DCC: variants seen among roughly 807,000 people sequenced by gnomAD.
DCC encodes the protein netrin receptor DCC.
In DCC, 58 loss-of-function variants were observed where a neutral mutation model predicts 172.5. The ratio of observed to expected loss-of-function variants is 0.34; its 90% CI spans 0.27 to 0.42. The LOEUF (loss-of-function observed/expected upper bound fraction) is 0.42, where lower values mean the gene tolerates loss of function less well. Among genes scored for constraint, DCC ranks in the 10% least tolerant of loss-of-function variants. DCC has a pLI of 1.00. For synonymous variants in DCC, 709 were observed against 644.5 expected (o/e 1.10, Z -1.52); for missense variants, 1,740 against 1,791.0 (o/e 0.97, Z 0.51).
intron 8 of DCC, among the ~76,000 whole-genome samples, chr18:53,178,481 A>G (rs1332760151): frequency 2.6e-5 from 4 of 152,208 alleles, no homozygotes; most frequent in Non-Finnish European, 5.9e-5. Flanking sequence ...TAGAACACTA[A>G]GCATCTGCGT....
chr18:53,519,042 A>T (rs1428004491), intron 27 of DCC, among the ~76,000 whole-genome samples: 1 of 152,154 alleles, frequency 6.6e-6, no homozygotes, highest in African/African-American at 2.4e-5. Flanking sequence ...AACTGGCTGG[A>T]GATTCCTTTA....
chr18:53,342,556 A>T (rs1262110485), intron 15 of DCC, among the ~76,000 whole-genome samples: 1 of 151,292 alleles, frequency 6.6e-6, no homozygotes, highest in Non-Finnish European at 1.5e-5. Flanking sequence ...TGGCATTTTT[A>T]AAAGAGCATT....
chr18:53,461,808 A>G (rs892270665), intron 24 of DCC, among the ~76,000 whole-genome samples: 9 of 152,212 alleles, frequency 5.9e-5, no homozygotes, highest in Non-Finnish European at 4.4e-5. Flanking sequence ...GTCTAGTTCC[A>G]TTAAAAACTA....
chr18:52,399,749 A>T (rs911417883), intron 1 of DCC, among the ~76,000 whole-genome samples: 10 of 151,954 alleles, frequency 6.6e-5, no homozygotes, highest in Non-Finnish European at 1.2e-4. Flanking sequence ...GTGTTTTTCC[A>T]TTATAAAGCC....
chr18:52,495,640 C>G (rs968578177), intron 1 of DCC, among the ~76,000 whole-genome samples: 1 of 152,236 alleles, frequency 6.6e-6, no homozygotes, highest in South Asian at 2.1e-4. Flanking sequence ...GCAGAAATTT[C>G]AAACAATGTC....
intron 21 of DCC, among the ~76,000 whole-genome samples, chr18:53,426,343 TTATAA>T (rs1184912940): frequency 1.4e-5 from 2 of 144,876 alleles, no homozygotes; most frequent in Admixed American, 7.1e-5. Flanking sequence ...TGATATATAT[TTATAA>T]TATATTTTAT....
rs146237631 is a variant in DCC at position 53,191,746 on chromosome 18, C to G, written c.1573+12630C>G. Reference sequence around the variant, plus strand: ...ATAACATTCATAGTTAACTGTTTTCCTTATTTTACTCAGTGTTTACTCAGC... The same window carrying G: ...ATAACATTCATAGTTAACTGTTTTCGTTATTTTACTCAGTGTTTACTCAGC... On this transcript the variant is annotated intron_variant, in intron 9 of 28. Transcript: ENST00000442544. Among the ~76,000 whole-genome samples the G allele has an allele frequency of 7.6e-5, 10 of 131,556 alleles. No individual in the cohort carries two copies. In the East Asian group the frequency reaches 1.5e-3, roughly 20 times the overall value. The allele number at this position is 131,556 out of a possible 152,430, so 86.3% of individuals were successfully genotyped here.
chr18:52,722,176 C>T (rs1331632856), intron 1 of DCC, among the ~76,000 whole-genome samples: 1 of 152,152 alleles, frequency 6.6e-6, no homozygotes, highest in African/African-American at 2.4e-5. Flanking sequence ...CTTGCTGTTC[C>T]ACTTCCAGTC....
intron 1 of DCC, among the ~76,000 whole-genome samples, chr18:52,433,996 T>C (rs1987708955): frequency 6.6e-6 from 1 of 152,196 alleles, no homozygotes; most frequent in Non-Finnish European, 1.5e-5. Context: ...AAGTGCCATG[T>C]AAGCAGTAGT....
chr18:52,589,721 G>A (rs567917420), intron 1 of DCC, among the ~76,000 whole-genome samples: 1 of 152,148 alleles, frequency 6.6e-6, no homozygotes, highest in African/African-American at 2.4e-5. Context: ...CAATCAATTA[G>A]AGCCTTCAAG....
chr18:53,024,192 T>C (rs1304756903), intron 5 of DCC, among the ~76,000 whole-genome samples: 1 of 152,126 alleles, frequency 6.6e-6, no homozygotes, highest in East Asian at 1.9e-4. Flanking sequence ...ACACGCTAAA[T>C]TTTCTCTTAA....
chr18:53,531,231 C>T lies in DCC; in HGVS notation c.*578C>T. On this transcript the variant is annotated 3_prime_UTR_variant, in exon 29 of 29. Transcript: ENST00000442544. ...TGCTTATGTTTGTAACTCAGTCATT[C>T]ATCTTGCACAAGTGGTGGATATTAG... 6.1e-6 allele frequency: 1 copy of T among 164,600 alleles called. No individual in the cohort carries two copies. Among genetic ancestry groups the T allele is most frequent in the Admixed American group, 5.6e-5 (1 of 17,920 alleles). 10.2% of individuals were successfully genotyped at this position (164,600 alleles called of 1,614,324 possible).
intron 2 of DCC, among the ~76,000 whole-genome samples, chr18:52,812,380 T>A (rs1380100286): frequency 6.6e-6 from 1 of 152,212 alleles, no homozygotes; most frequent in Non-Finnish European, 1.5e-5. Flanking sequence ...AAGTTAATTG[T>A]GATTTCAGGT....
At chr18:52,925,094 A>T in intron 4 of DCC, 140 bp from the exon 5 acceptor site, 2 of 817,258 alleles carry the variant, frequency 2.4e-6, no homozygotes, top group Non-Finnish European at 4.1e-6. Context: ...AATAAGTGAG[A>T]CTTTAATCAA....
At chr18:53,477,969 C>A (rs1203823164) in intron 25 of DCC, among the ~76,000 whole-genome samples, 1 of 152,146 alleles carries the variant, frequency 6.6e-6, no homozygotes, top group East Asian at 1.9e-4. Context: ...AATGCTGTTT[C>A]TTACTATAAT....
chr18:52,766,081 T>C (rs1301215492), intron 2 of DCC, among the ~76,000 whole-genome samples: 2 of 152,162 alleles, frequency 1.3e-5, no homozygotes, highest in African/African-American at 4.8e-5. Context: ...AGTCAGCAAC[T>C]GGAGTACACA....
chr18:53,082,005 G>A (rs2042813865), intron 7 of DCC, among the ~76,000 whole-genome samples: 1 of 152,086 alleles, frequency 6.6e-6, no homozygotes, highest in African/African-American at 2.4e-5. Flanking sequence ...CAGCGATCAA[G>A]AATGGTAATT....
intron 5 of DCC, among the ~76,000 whole-genome samples, chr18:52,975,833 C>G: frequency 6.6e-6 from 1 of 152,122 alleles, no homozygotes; most frequent in Middle Eastern, 3.2e-3. Flanking sequence ...GTGCATGTGT[C>G]TTTATAATAT....
At chr18:52,464,941 A>ATATAG (rs1304326770) in intron 1 of DCC, among the ~76,000 whole-genome samples, 9 of 152,232 alleles carry the variant, frequency 5.9e-5, no homozygotes, top group Admixed American at 3.3e-4. Context: ...TTAGGTAGAT[A>ATATAG]TATAGAAATA....
Sources: gnomAD v4.1 joint callset for allele counts (sites outside exome capture counted in the v4.1 genomes callset) on GRCh38, gnomAD v4.1.1 for gene constraint, MANE v1.5 for transcripts, NCBI Gene and HGNC (gene_info 2026-07-23, HGNC 2026-07-21) for gene names.